The following TMC5 variants were observed in gnomAD, a reference collection of about 807,000 sequenced individuals.
TMC5 encodes transmembrane channel-like protein 5.
In TMC5, 86 loss-of-function variants were observed where a neutral mutation model predicts 110.5. That is an observed-to-expected ratio of 0.78 (90% CI 0.65 to 0.93). TMC5 has a LOEUF of 0.93. TMC5 is among the 40% of genes least tolerant of loss of function. TMC5 has a pLI of 0.00. For missense variants in TMC5, 1,144 were observed against 1,222.8 expected (o/e 0.94, Z 0.96); for synonymous variants, 455 against 439.5 (o/e 1.04, Z -0.44).
intron 5 of TMC5, among the ~76,000 whole-genome samples, chr16:19,457,473 T>A (rs1201046953): frequency 6.6e-6 from 1 of 152,068 alleles, no homozygotes; most frequent in African/African-American, 2.4e-5. Flanking sequence ...AAGGAAGGGA[T>A]CAATTTAAGA....
At chr16:19,437,889 G>A (rs1967382353) in intron 2 of TMC5, among the ~76,000 whole-genome samples, 1 of 152,128 alleles carries the variant, frequency 6.6e-6, no homozygotes, top group African/African-American at 2.4e-5. Flanking sequence ...CTCTTTCCCA[G>A]TAAGCCTTGT....
At position 19,498,742 on chromosome 16, in the gene TMC5, C is replaced by T. The variant is rs760506518; in HGVS notation, c.*776C>T. 7 of 151,892 alleles carry T rather than the reference C, an allele frequency of 4.6e-5. No homozygotes were observed. Among genetic ancestry groups the T allele is most frequent in the African/African-American group, 1.5e-4 (6 of 41,310 alleles). The allele number at this position is 151,892 out of a possible 1,614,324, so 9.4% of individuals were successfully genotyped here. ...CGCTGGCAATTTTTGACAGTCTCTA[C>T]GGAGACTGAATAAGAAAAAAGAAAA... On this transcript the variant is annotated 3_prime_UTR_variant, in exon 22 of 22. Coordinates refer to ENST00000542583, the MANE Select transcript of TMC5 (RefSeq NM_001261841.2).
At chr16:19,411,889 G>T (rs528854956) in intron 1 of TMC5, among the ~76,000 whole-genome samples, 155 of 152,310 alleles carry the variant, frequency 1.0e-3, no homozygotes, top group African/African-American at 3.6e-3. Flanking sequence ...GGTTCAAAGA[G>T]GTTGAATAAG....
chr16:19,431,749 T>A (rs1205857955), intron 2 of TMC5, among the ~76,000 whole-genome samples: 1 of 152,112 alleles, frequency 6.6e-6, no homozygotes, highest in Admixed American at 6.6e-5. Context: ...TTCACAGGCT[T>A]CATGATCACA....
chr16:19,447,625 T>C (rs181370905), intron 4 of TMC5, among the ~76,000 whole-genome samples: 1 of 152,218 alleles, frequency 6.6e-6, no homozygotes, highest in African/African-American at 2.4e-5. Flanking sequence ...CGCTCTTTAG[T>C]GCAGGCTGGA....
chr16:19,431,197 G>T (rs1480510283), intron 2 of TMC5, among the ~76,000 whole-genome samples: 1 of 152,054 alleles, frequency 6.6e-6, no homozygotes, highest in Non-Finnish European at 1.5e-5. Context: ...TTTCATTTAT[G>T]TTAAGAGGTT....
At chr16:19,453,736 C>G (rs1282873545) in intron 5 of TMC5, among the ~76,000 whole-genome samples, 1 of 152,130 alleles carries the variant, frequency 6.6e-6, no homozygotes, top group Non-Finnish European at 1.5e-5. Flanking sequence ...CTACTGCACT[C>G]CAGCCTAGGG....
At chr16:19,475,418 T>C (rs1968463028) in intron 12 of TMC5, among the ~76,000 whole-genome samples, 1 of 149,680 alleles carries the variant, frequency 6.7e-6, no homozygotes, top group African/African-American at 2.5e-5. Context: ...AGAGACTCCA[T>C]CTCAGAAAAA....
At chr16:19,473,778 G>A (rs953732323) in intron 11 of TMC5, among the ~76,000 whole-genome samples, 1 of 152,090 alleles carries the variant, frequency 6.6e-6, no homozygotes, top group Non-Finnish European at 1.5e-5. Context: ...TCGGGAGTTA[G>A]AGACCAGCCT....
intron 12 of TMC5, among the ~76,000 whole-genome samples, chr16:19,475,081 T>C (rs1010308754): frequency 7.2e-5 from 11 of 152,296 alleles, no homozygotes; most frequent in African/African-American, 2.6e-4. Context: ...ATTTTGTCCC[T>C]CTAGTTTCTT....
In TMC5 at chr16:19,460,294, A is replaced by G. The variant is rs1967988773; in HGVS notation, c.1108A>G (p.Arg370Gly). Reference sequence around the variant, plus strand: ...ATCCAGAGACAGAATTAAAGCCATCAGGAACCAGCCAAGGACCATGGAAGA... The same window carrying G: ...ATCCAGAGACAGAATTAAAGCCATCGGGAACCAGCCAAGGACCATGGAAGA... Reference protein sequence around the residue: ...MTSRDRIKAIRNQPRTMEEKR... With the variant: ...MTSRDRIKAIGNQPRTMEEKR... The change falls in exon 6 of 22, where the codon AGG (arginine) becomes GGG (glycine). Residue 370 changes from arginine (R) to glycine (G), a missense_variant. Physicochemically the swap from Arg to Gly is moderately radical, Grantham distance 125 (BLOSUM62 -2). Transcript: ENST00000542583. 1 of 1,613,894 alleles carries G rather than the reference A, an allele frequency of 6.2e-7. No homozygotes were observed. The highest frequency in any genetic ancestry group is 2.2e-5 in the East Asian group (1 of 44,856).
intron 5 of TMC5, chr16:19,456,729 A>G: frequency 6.2e-7 from 1 of 1,610,422 alleles, no homozygotes; most frequent in East Asian, 2.2e-5. Context: ...GACCACGTGA[A>G]TGAAATCATC....
intron 2 of TMC5, among the ~76,000 whole-genome samples, chr16:19,434,497 G>GATAT (rs377209237): frequency 2.4e-5 from 3 of 124,608 alleles, no homozygotes; most frequent in Non-Finnish European, 4.7e-5. Flanking sequence ...GATAGATATA[G>GATAT]AGAGAGAGAG....
intron 4 of TMC5, among the ~76,000 whole-genome samples, chr16:19,447,450 A>C (rs1967639261): frequency 6.6e-6 from 1 of 152,240 alleles, no homozygotes; most frequent in Non-Finnish European, 1.5e-5. Context: ...ATATTTGCTG[A>C]ATAACAATTA....
chr16:19,491,133 C>T (rs985601309), intron 18 of TMC5, among the ~76,000 whole-genome samples: 1 of 152,064 alleles, frequency 6.6e-6, no homozygotes, highest in Non-Finnish European at 1.5e-5. Flanking sequence ...ACCTCAGCCC[C>T]CAAGTAGCTG....
chr16:19,478,338 C>T (rs1422301457), intron 13 of TMC5, among the ~76,000 whole-genome samples: 4 of 152,210 alleles, frequency 2.6e-5, no homozygotes, highest in Admixed American at 1.3e-4. Flanking sequence ...TGTGTCTATA[C>T]TCAAACCATC....
rs1363254639 is a variant in TMC5 at position 19,477,362 on chromosome 16, T to A, written c.2091-78T>A. ...GGCCAGGAATTTCTATCTTACCATG[T>A]GCCCCAAAGGAGCTATTTGCAGACA... On this transcript the variant is annotated intron_variant, in intron 12 of 21. Coordinates refer to ENST00000542583, the MANE Select transcript of TMC5 (RefSeq NM_001261841.2). 5 of 1,066,442 alleles carry A rather than the reference T, an allele frequency of 4.7e-6. No individual in the cohort carries two copies. The Admixed American group carries it at 8.6e-5, about 18-fold the overall frequency. The allele number at this position is 1,066,442 out of a possible 1,614,324, so 66.1% of individuals were successfully genotyped here. A position where few individuals can be genotyped will look rare whatever the true frequency, so the allele number is the denominator to read the frequency against.
intron 1 of TMC5, among the ~76,000 whole-genome samples, chr16:19,420,354 C>T (rs531404301): frequency 4.6e-5 from 7 of 152,032 alleles, no homozygotes; most frequent in Middle Eastern, 3.4e-3. Flanking sequence ...CTGGAACCCA[C>T]GTGGCGGAGG....
At chr16:19,416,121 G>C (rs920054937), upstream of TMC5, among the ~76,000 whole-genome samples, 1 of 151,814 alleles carries the variant, frequency 6.6e-6, no homozygotes, top group African/African-American at 2.4e-5. Context: ...ACAGTCAGAG[G>C]CTGCAGTGAG....
Sources: gnomAD v4.1 joint callset for allele counts (sites outside exome capture counted in the v4.1 genomes callset) on GRCh38, gnomAD v4.1.1 for gene constraint, MANE v1.5 for transcripts, NCBI Gene and HGNC (gene_info 2026-07-23, HGNC 2026-07-21) for gene names.